SLC38A8: variants seen among roughly 807,000 people sequenced by gnomAD.
The protein encoded by SLC38A8 is solute carrier family 38 member 8.
Under a neutral mutation model 46.0 loss-of-function variants are expected in SLC38A8, and 65 were observed. The observed-to-expected ratio is 1.41, with a 90% CI of 1.16 to 1.74. The LOEUF (loss-of-function observed/expected upper bound fraction) is 1.74, where lower values mean the gene tolerates loss of function less well. SLC38A8 is among the 40% of genes most tolerant of loss of function. The pLI, the probability that SLC38A8 is intolerant of heterozygous loss-of-function variation, is 0.00. For synonymous variants in SLC38A8, 447 were observed against 243.7 expected (o/e 1.83, Z -7.77); for missense variants, 998 against 567.9 (o/e 1.76, Z -7.70).
intron 7 of SLC38A8, among the ~76,000 whole-genome samples, chr16:84,020,561 C>T (rs185988113): frequency 2.0e-5 from 3 of 152,214 alleles, no homozygotes; most frequent in African/African-American, 4.8e-5. Flanking sequence ...ACCACTTATA[C>T]CTTCTGGGGC....
intron 7 of SLC38A8, among the ~76,000 whole-genome samples, chr16:84,021,386 G>A (rs58108683): frequency 0.2 from 30,006 of 152,030 alleles, 3,062 homozygotes; most frequent in African/African-American, 0.26. Flanking sequence ...TTCAAGTTCA[G>A]CCTTCCACAA....
intron 10 of SLC38A8, among the ~76,000 whole-genome samples, chr16:84,012,450 G>T (rs1291857483): frequency 6.6e-6 from 1 of 152,086 alleles, no homozygotes; most frequent in African/African-American, 2.4e-5. Flanking sequence ...GTTAGCATGG[G>T]GCCTGGGAGC....
chr16:84,025,343 G>A (rs1461447403), intron 6 of SLC38A8, among the ~76,000 whole-genome samples: 9 of 152,130 alleles, frequency 5.9e-5, no homozygotes, highest in Non-Finnish European at 1.2e-4. Context: ...CGCGCCTCAG[G>A]GCCTTTGCTA....
Position 84,036,824 on chromosome 16 carries a change from T to A in SLC38A8, c.266A>T (p.Gln89Leu). 6.2e-7 allele frequency: 1 copy of A among 1,613,916 alleles called. No homozygotes were observed. Among genetic ancestry groups the A allele is most frequent in the Non-Finnish European group, 8.5e-7 (1 of 1,179,990 alleles). Residue 89 changes from glutamine (Q) to leucine (L), a missense_variant, in exon 3 of 11, where the codon CAG (glutamine) becomes CTG (leucine). By Grantham distance (113) the Gln-to-Leu change is moderately radical (BLOSUM62 -2). Coordinates refer to ENST00000299709, the MANE Select transcript of SLC38A8 (RefSeq NM_001080442.3). Reference sequence around the variant, plus strand: ...GCCACACAGCCCCCTGACCACACCCTGGTAGGTGGCCTGGCCACTGACAGC... The same window carrying A: ...GCCACACAGCCCCCTGACCACACCCAGGTAGGTGGCCTGGCCACTGACAGC... ...AAAVSGQATY[Q>L]GVVRGLCGPA...
intron 2 of SLC38A8, among the ~76,000 whole-genome samples, chr16:84,038,111 G>C (rs1328839029): frequency 1.3e-5 from 2 of 152,054 alleles, no homozygotes; most frequent in East Asian, 3.9e-4. Flanking sequence ...GGGAGTTTGA[G>C]ACCAGCCTGG....
chr16:84,040,574 C>T (rs1288504011), intron 2 of SLC38A8, among the ~76,000 whole-genome samples: 1 of 152,236 alleles, frequency 6.6e-6, no homozygotes, highest in Non-Finnish European at 1.5e-5. Context: ...CCCCAAGCCC[C>T]ACCTGCCCTC....
intron 7 of SLC38A8, among the ~76,000 whole-genome samples, chr16:84,019,580 G>C (rs1036553646): frequency 6.6e-6 from 1 of 152,148 alleles, no homozygotes; most frequent in African/African-American, 2.4e-5. Flanking sequence ...TCAAACCACA[G>C]CATTCTGTCC....
At chr16:84,022,729 A>C in intron 7 of SLC38A8, 46 bp downstream of exon 7, 2 of 1,474,400 alleles carry the variant, frequency 1.4e-6, no homozygotes, top group Non-Finnish European at 1.9e-6. Context: ...TCTTGTTTCT[A>C]CTGTCACTCC....
At chr16:84,029,881 C>A (rs960890566) in intron 5 of SLC38A8, among the ~76,000 whole-genome samples, 1 of 152,130 alleles carries the variant, frequency 6.6e-6, no homozygotes, top group Admixed American at 6.6e-5. Context: ...TTGGCAGGGG[C>A]GGGGGCACCC....
chr16:84,029,883 G>A (rs564755316), intron 5 of SLC38A8, among the ~76,000 whole-genome samples: 1 of 152,266 alleles, frequency 6.6e-6, no homozygotes, highest in African/African-American at 2.4e-5. Flanking sequence ...GGCAGGGGCG[G>A]GGGCACCCAG....
intron 3 of SLC38A8, among the ~76,000 whole-genome samples, chr16:84,033,706 T>C (rs2085272117): frequency 6.6e-6 from 1 of 152,186 alleles, no homozygotes; most frequent in Non-Finnish European, 1.5e-5. Flanking sequence ...AGCCCAGCAC[T>C]GCTCTAAGGC....
intron 7 of SLC38A8, among the ~76,000 whole-genome samples, chr16:84,018,224 T>A (rs980155723): frequency 9.9e-5 from 5 of 50,626 alleles, no homozygotes; most frequent in Non-Finnish European, 1.6e-4. Flanking sequence ...CCCTCATTCC[T>A]TTTTTTTTTT....
rs534783510 is a variant in SLC38A8, at chr16:84,036,493, G to A, written c.388+209C>T. 1.4e-4 allele frequency among the ~76,000 whole-genome samples: 22 copies of A among 152,358 alleles called. No homozygotes were observed. The South Asian group carries it at 2.7e-3, about 19-fold the overall frequency. Reference sequence around the variant, plus strand: ...TAATTGCAGCCACAACCTCTCTCATGCACTTGTGTGCCCATGACTGTCACC... The same window carrying A: ...TAATTGCAGCCACAACCTCTCTCATACACTTGTGTGCCCATGACTGTCACC... On this transcript the variant is annotated intron_variant, in intron 3 of 10. Coordinates refer to ENST00000299709, the MANE Select transcript of SLC38A8 (RefSeq NM_001080442.3).
At chr16:84,029,936 G>C (rs1281992781) in intron 5 of SLC38A8, among the ~76,000 whole-genome samples, 1 of 152,204 alleles carries the variant, frequency 6.6e-6, no homozygotes, top group Non-Finnish European at 1.5e-5. Flanking sequence ...GATGGTTTGA[G>C]CTCTGTCCAA....
chr16:84,031,213 T>C (rs1360634375), intron 5 of SLC38A8, among the ~76,000 whole-genome samples: 1 of 152,014 alleles, frequency 6.6e-6, no homozygotes, highest in Non-Finnish European at 1.5e-5. Flanking sequence ...CTGAATTTTA[T>C]ATTTTTATGT....
intron 10 of SLC38A8, 120 bp downstream of exon 10, chr16:84,012,881 C>G: frequency 3.6e-6 from 4 of 1,104,808 alleles, no homozygotes; most frequent in Non-Finnish European, 5.3e-6. Flanking sequence ...TCCTGTGGCT[C>G]GCAGGTTTCT....
intron 9 of SLC38A8, among the ~76,000 whole-genome samples, chr16:84,015,781 C>A (rs1378415321): frequency 5.9e-5 from 9 of 152,200 alleles, no homozygotes; most frequent in African/African-American, 2.2e-4. Flanking sequence ...TCTTGGCTCC[C>A]TGCAACCTCC....
At chr16:84,039,147 G>A (rs932160057) in intron 2 of SLC38A8, among the ~76,000 whole-genome samples, 1 of 152,120 alleles carries the variant, frequency 6.6e-6, no homozygotes, top group South Asian at 2.1e-4. Flanking sequence ...AGAAGCACCT[G>A]GAGCCACCAG....
intron 10 of SLC38A8, among the ~76,000 whole-genome samples, chr16:84,010,332 A>T (rs917345151): frequency 7.9e-5 from 12 of 152,052 alleles, no homozygotes; most frequent in African/African-American, 2.9e-4. Context: ...CAGCTTCCTA[A>T]AGTACTGGGA....
Sources: gnomAD v4.1 joint callset for allele counts (sites outside exome capture counted in the v4.1 genomes callset) on GRCh38, gnomAD v4.1.1 for gene constraint, MANE v1.5 for transcripts, NCBI Gene and HGNC (gene_info 2026-07-23, HGNC 2026-07-21) for gene names.